RNF111: variants seen among roughly 807,000 people sequenced by gnomAD.
The protein encoded by RNF111 is ring finger protein 111.
In RNF111, 17 loss-of-function variants were observed where a neutral mutation model predicts 95.1. The observed-to-expected ratio is 0.18, with a 90% CI of 0.12 to 0.27. The LOEUF (loss-of-function observed/expected upper bound fraction) is 0.27. Among genes scored for constraint, RNF111 ranks in the 10% least tolerant of loss-of-function variants. RNF111 has a pLI of 1.00. For missense variants in RNF111, 1,189 were observed against 1,210.4 expected, an observed-to-expected ratio of 0.98 and a Z score of 0.26; for synonymous variants, 440 against 414.8, an observed-to-expected ratio of 1.06 and a Z score of -0.74.
chr15:59,021,849 A>AT (rs1282747139), intron 1 of RNF111, among the ~76,000 whole-genome samples: 1 of 151,498 alleles, frequency 6.6e-6, no homozygotes, highest in Non-Finnish European at 1.5e-5. Context: ...CTATGCGTTC[A>AT]TTTTTTCTAG....
chr15:58,988,821 C>T (rs2038683055), intron 1 of RNF111, among the ~76,000 whole-genome samples: 1 of 152,064 alleles, frequency 6.6e-6, no homozygotes, highest in Non-Finnish European at 1.5e-5. Context: ...TGTAAGCTTT[C>T]CTGTTTCTTG....
chr15:59,063,744 A>G (rs2042536919), intron 5 of RNF111, among the ~76,000 whole-genome samples: 1 of 152,212 alleles, frequency 6.6e-6, no homozygotes. Flanking sequence ...GTTTCTGAAC[A>G]GATACATGTC....
At chr15:59,073,656 C>T (rs1257582466) in intron 6 of RNF111, among the ~76,000 whole-genome samples, 2 of 152,148 alleles carry the variant, frequency 1.3e-5, no homozygotes, top group African/African-American at 4.8e-5. Flanking sequence ...AAGTCTTGAA[C>T]CCCTCAAAGT....
At chr15:59,000,616 A>G (rs1165919154) in intron 1 of RNF111, among the ~76,000 whole-genome samples, 4 of 151,838 alleles carry the variant, frequency 2.6e-5, no homozygotes, top group Admixed American at 6.6e-5. Context: ...AGGCTGAGGC[A>G]CGAGAATTGC....
At chr15:59,026,917 C>G (rs575581058) in intron 1 of RNF111, among the ~76,000 whole-genome samples, 22 of 152,264 alleles carry the variant, frequency 1.4e-4, no homozygotes, top group African/African-American at 4.8e-4. Flanking sequence ...AAACCACCCC[C>G]CCTTGCTCTC....
At chr15:59,037,624 G>T (rs2041242100) in intron 2 of RNF111, among the ~76,000 whole-genome samples, 1 of 152,142 alleles carries the variant, frequency 6.6e-6, no homozygotes, top group South Asian at 2.1e-4. Context: ...ATCACCTGAG[G>T]TCTGGAGTTC....
rs781309526 is a variant in RNF111 at position 59,081,196 on chromosome 15, G to C, written c.2209G>C (p.Ala737Pro). 1 of 1,614,116 alleles carries C rather than the reference G, an allele frequency of 6.2e-7. No homozygotes were observed. The highest frequency in any genetic ancestry group is 1.1e-5 in the South Asian group (1 of 91,082). Residue 737 changes from alanine (A) to proline (P), a missense_variant, in exon 8 of 14, where the codon GCC becomes CCC. Around this residue, in one of 2 missense-constraint regions of RNF111, gnomAD observed 1,024 missense variants for 925.9 expected, o/e 1.11. Coordinates refer to ENST00000348370, the MANE Select transcript of RNF111 (RefSeq NM_017610.8). ...THQPISHHIP[A>P]TAPPAQRLHP... ...CCAGCCAATTTCGCACCATATTCCA[G>C]CCACAGCACCTCCAGCACAGAGACT...
intron 1 of RNF111, among the ~76,000 whole-genome samples, chr15:59,011,902 T>C (rs553794299): frequency 9.2e-5 from 14 of 152,106 alleles, no homozygotes; most frequent in East Asian, 7.7e-4. Flanking sequence ...TAATGTCTTA[T>C]GGTTCACTAC....
At chr15:59,002,089 A>T (rs757905046) in intron 1 of RNF111, among the ~76,000 whole-genome samples, 10 of 152,152 alleles carry the variant, frequency 6.6e-5, no homozygotes, top group Non-Finnish European at 1.5e-4. Context: ...AAAGCTTGTG[A>T]GCTGTTTATT....
chr15:58,991,952 A>G (rs1430372827), intron 1 of RNF111, among the ~76,000 whole-genome samples: 1 of 152,198 alleles, frequency 6.6e-6, no homozygotes. Context: ...AGGGATGATA[A>G]TGGCATTATG....
intron 1 of RNF111, among the ~76,000 whole-genome samples, chr15:59,009,676 C>T (rs1214125589): frequency 8.6e-5 from 13 of 151,872 alleles, no homozygotes; most frequent in African/African-American, 2.7e-4. Context: ...ATTCAGTGGC[C>T]GGGCACAGTG....
chr15:59,059,843 A>C (rs1191779417), intron 5 of RNF111, among the ~76,000 whole-genome samples: 3 of 152,226 alleles, frequency 2.0e-5, no homozygotes, highest in African/African-American at 7.2e-5. Flanking sequence ...TAGACCCTGT[A>C]GCTTGTGGAT....
At chr15:58,994,069 A>G (rs1403439964) in intron 1 of RNF111, among the ~76,000 whole-genome samples, 1 of 118,780 alleles carries the variant, frequency 8.4e-6, no homozygotes, top group East Asian at 2.5e-4. Flanking sequence ...ATGGAGTCTC[A>G]CTCTGTGGCC....
intron 3 of RNF111, among the ~76,000 whole-genome samples, chr15:59,054,275 G>C (rs1198478285): frequency 6.6e-6 from 1 of 152,136 alleles, no homozygotes; most frequent in African/African-American, 2.4e-5. Context: ...TTGTTTTAGA[G>C]TCTTTTGTGT....
chr15:59,092,106 A>C (rs1344927937), intron 12 of RNF111, among the ~76,000 whole-genome samples: 1 of 152,220 alleles, frequency 6.6e-6, no homozygotes, highest in Admixed American at 6.5e-5. Flanking sequence ...TTCAAAGAGT[A>C]TTGAGGTATT....
Position 59,004,083 on chromosome 15 carries a change from T to G in RNF111, c.-20+16015T>G, listed in dbSNP as rs765377875. 5 of 930,182 alleles carry G rather than the reference T, an allele frequency of 5.4e-6. No individual in the cohort carries two copies. The South Asian group carries it at 1.2e-4, about 22-fold the overall frequency. The allele number at this position is 930,182 out of a possible 1,614,324, so 57.6% of individuals were successfully genotyped here. A position where few individuals can be genotyped will look rare whatever the true frequency, so the allele number is the denominator to read the frequency against. On this transcript the variant is annotated intron_variant, in intron 1 of 13. Coordinates refer to ENST00000348370, the MANE Select transcript of RNF111 (RefSeq NM_017610.8). ...AGCTGAGTTGATCTTTTTGAAACCC[T>G]CTTCCCAGACTCTTGGATTTATTTA...
At chr15:59,062,014 T>G (rs549069106) in intron 5 of RNF111, among the ~76,000 whole-genome samples, 1 of 152,088 alleles carries the variant, frequency 6.6e-6, no homozygotes, top group Admixed American at 6.6e-5. Flanking sequence ...TGACTCTCTC[T>G]TCTGTGTTTT....
rs191167342 is a variant in RNF111, at chr15:59,050,821, C to T, written c.881-1484C>T. ...CCCTTTTAGCAAAGTTTTAAACATA[C>T]AATACGTTATTGCTAATCATAGACC... On this transcript the variant is annotated intron_variant, in intron 2 of 13. Coordinates refer to ENST00000348370, the MANE Select transcript of RNF111 (RefSeq NM_017610.8). 3.1e-4 allele frequency among the ~76,000 whole-genome samples: 47 copies of T among 152,206 alleles called. No individual in the cohort carries two copies. In the East Asian group the frequency reaches 6.0e-3, roughly 19 times the overall value.
intron 2 of RNF111, among the ~76,000 whole-genome samples, chr15:59,035,403 A>C (rs1359728229): frequency 6.6e-6 from 1 of 152,218 alleles, no homozygotes; most frequent in Non-Finnish European, 1.5e-5. Flanking sequence ...ATCTGAGACA[A>C]GGCAAGTCCC....
Sources: gnomAD v4.1 joint callset for allele counts (sites outside exome capture counted in the v4.1 genomes callset) on GRCh38, gnomAD v4.1.1 for gene constraint, gnomAD v4.1.1 regional missense constraint, MANE v1.5 for transcripts, NCBI Gene and HGNC (gene_info 2026-07-23, HGNC 2026-07-21) for gene names.